SHC4: variants seen among roughly 807,000 people sequenced by gnomAD.
The protein encoded by SHC4 is SHC adaptor protein 4.
A neutral mutation model predicts 69.4 loss-of-function variants in SHC4; 41 were observed. The ratio of observed to expected loss-of-function variants is 0.59; its 90% confidence interval spans 0.46 to 0.77. The LOEUF is 0.77. Among genes scored for constraint, SHC4 ranks in the 30% least tolerant of loss-of-function variants. SHC4 has a pLI of 0.00. For synonymous variants in SHC4, 318 were observed against 299.3 expected (o/e 1.06, Z -0.64); for missense variants, 777 against 783.8 (o/e 0.99, Z 0.10).
chr15:48,899,071 A>T (rs1401048343), intron 2 of SHC4, among the ~76,000 whole-genome samples: 1 of 151,572 alleles, frequency 6.6e-6, no homozygotes, highest in African/African-American at 2.4e-5. Flanking sequence ...AACCGAAAAC[A>T]GGTCTTACTT....
intron 6 of SHC4, among the ~76,000 whole-genome samples, chr15:48,866,145 C>A (rs1783122844): frequency 1.3e-5 from 2 of 152,166 alleles, no homozygotes; most frequent in African/African-American, 4.8e-5. Context: ...TGTTCAGAGG[C>A]CTTCCCAGAA....
intron 1 of SHC4, among the ~76,000 whole-genome samples, chr15:48,933,576 C>G (rs996399047): frequency 6.6e-6 from 1 of 152,128 alleles, no homozygotes; most frequent in Admixed American, 6.6e-5. Context: ...ACAAACTGAT[C>G]CTAAAATTCA....
chr15:48,897,612 G>A (rs1220703654), intron 2 of SHC4, among the ~76,000 whole-genome samples: 4 of 148,816 alleles, frequency 2.7e-5, no homozygotes, highest in African/African-American at 9.9e-5. Flanking sequence ...TGGGAGGAGA[G>A]GCTGCGCGGC....
In SHC4 at chr15:48,962,854, G is replaced by A. The variant is rs759834165; in HGVS notation, c.162C>T (p.Gly54=). The A allele has an allele frequency of 3.7e-6, 6 of 1,613,096 alleles. No individual in the cohort carries two copies. The highest frequency in any genetic ancestry group is 3.4e-6 in the Non-Finnish European group (4 of 1,180,014). Residue 54 remains glycine (G), a synonymous_variant, in exon 1 of 12, where the codon GGC becomes GGT. Coordinates refer to ENST00000332408, the MANE Select transcript of SHC4 (RefSeq NM_203349.4). ...GGGCGGGGTGGGGAGGCTGCGGCGA[G>A]CCCTTGTTCCCGACCGAGCCTCCGG... ...GSSGGSVGNK[G]SPQPPHPALA...
chr15:48,942,482 TA>T (rs891528748), intron 1 of SHC4, among the ~76,000 whole-genome samples: 148 of 147,030 alleles, frequency 1.0e-3, no homozygotes, highest in Middle Eastern at 7.0e-3. Context: ...TTGTATTCTT[TA>T]AAAAAAAAAA....
At chr15:48,923,334 T>C (rs931534646) in intron 2 of SHC4, among the ~76,000 whole-genome samples, 1 of 152,124 alleles carries the variant, frequency 6.6e-6, no homozygotes, top group African/African-American at 2.4e-5. Context: ...GTGGATGACC[T>C]GAGGTCAGGA....
intron 4 of SHC4, chr15:48,878,613 G>C: frequency 6.2e-7 from 1 of 1,614,062 alleles, no homozygotes; most frequent in East Asian, 2.2e-5. Context: ...CTGGATGGCG[G>C]GTTTCAGATG....
intron 1 of SHC4, among the ~76,000 whole-genome samples, chr15:48,959,274 T>C (rs1901500575): frequency 6.6e-6 from 1 of 152,222 alleles, no homozygotes; most frequent in Non-Finnish European, 1.5e-5. Flanking sequence ...TCCATAGCAC[T>C]TAATGCCATC....
chr15:48,884,416 C>T (rs2141002667), intron 3 of SHC4, 49 bp from the exon 4 acceptor site: 1 of 1,505,508 alleles, frequency 6.6e-7, no homozygotes, highest in Non-Finnish European at 8.9e-7. Flanking sequence ...AATTTTGTTA[C>T]AGAATAAATG....
chr15:48,853,712 A>T (rs1466405524), intron 8 of SHC4, among the ~76,000 whole-genome samples: 1 of 152,220 alleles, frequency 6.6e-6, no homozygotes, highest in African/African-American at 2.4e-5. Flanking sequence ...GATCTTTGAC[A>T]AAGTCAACAA....
intron 1 of SHC4, among the ~76,000 whole-genome samples, chr15:48,929,056 T>C (rs11070665): frequency 0.95 from 144,043 of 152,188 alleles, 68,480 homozygotes; most frequent in Non-Finnish European, 0.99. Flanking sequence ...GTTGAGAAAA[T>C]CACAACTGAT....
intron 10 of SHC4, among the ~76,000 whole-genome samples, chr15:48,842,024 G>C (rs1479813315): frequency 1.3e-5 from 2 of 152,214 alleles, no homozygotes; most frequent in African/African-American, 2.4e-5. Flanking sequence ...GATTTTCTTA[G>C]TGACTGGCTC....
intron 2 of SHC4, among the ~76,000 whole-genome samples, chr15:48,923,544 C>CAAAAAAAAAAA (rs3075016): frequency 1.1e-5 from 1 of 93,008 alleles, no homozygotes; most frequent in African/African-American, 4.3e-5. Context: ...GACTCTGTCT[C>CAAAAAAAAAAA]AAAAAAAAAA....
At chr15:48,919,314 T>C (rs1217247360) in intron 2 of SHC4, among the ~76,000 whole-genome samples, 1 of 138,246 alleles carries the variant, frequency 7.2e-6, no homozygotes, top group South Asian at 2.4e-4. Context: ...TTTTTTTTTT[T>C]TGTAGAGATG....
At chr15:48,854,376 C>T (rs548225019) in intron 8 of SHC4, among the ~76,000 whole-genome samples, 3 of 152,308 alleles carry the variant, frequency 2.0e-5, no homozygotes, top group South Asian at 2.1e-4. Flanking sequence ...GGAATGTAAA[C>T]TAGTCCAGTC....
intron 10 of SHC4, among the ~76,000 whole-genome samples, chr15:48,837,911 T>C (rs994159436): frequency 6.6e-6 from 1 of 152,124 alleles, no homozygotes; most frequent in Non-Finnish European, 1.5e-5. Flanking sequence ...GTAATCTCAA[T>C]GAGAAAGAAA....
intron 2 of SHC4, among the ~76,000 whole-genome samples, chr15:48,916,313 ACACACC>A (rs1055372026): frequency 7.1e-6 from 1 of 141,096 alleles, no homozygotes; most frequent in Middle Eastern, 3.3e-3. Context: ...ACACACACAC[ACACACC>A]CAGAAGTATG....
intron 2 of SHC4, among the ~76,000 whole-genome samples, chr15:48,907,832 G>GTT (rs1900434866): frequency 6.7e-6 from 1 of 150,052 alleles, no homozygotes; most frequent in Non-Finnish European, 1.5e-5. Flanking sequence ...GTGTGTGTGT[G>GTT]TGTGTGTGTA....
At chr15:48,959,203 TA>T (rs1304933868) in intron 1 of SHC4, among the ~76,000 whole-genome samples, 3 of 152,036 alleles carry the variant, frequency 2.0e-5, no homozygotes, top group Non-Finnish European at 4.4e-5. Flanking sequence ...TACCCAAGAG[TA>T]ATATGCCTTC....
Sources: allele counts gnomAD v4.1 joint callset (sites outside exome capture counted in the v4.1 genomes callset), GRCh38; gene constraint gnomAD v4.1.1; transcripts MANE v1.5; gene names NCBI Gene and HGNC (gene_info 2026-07-23, HGNC 2026-07-21).